PREPL: variants seen among roughly 807,000 people sequenced by gnomAD.
PREPL encodes the protein prolyl endopeptidase like, also known as prolyl endopeptidase-like.
A neutral mutation model predicts 70.6 loss-of-function variants in PREPL; 77 were observed. The observed-to-expected ratio is 1.09, with a 90% CI of 0.91 to 1.32. PREPL has a LOEUF of 1.32. Among genes scored for constraint, PREPL ranks in the 40% most tolerant of loss-of-function variants. The pLI, the probability that PREPL is intolerant of heterozygous loss-of-function variation, is 0.00. For missense variants in PREPL, 1,002 were observed against 778.2 expected (o/e 1.29, Z -3.42); for synonymous variants, 315 against 264.8 (o/e 1.19, Z -1.84).
At chr2:44,332,309 C>A (rs1192042542) in intron 8 of PREPL, 150 bp downstream of exon 8, 3 of 624,694 alleles carry the variant, frequency 4.8e-6, no homozygotes, top group South Asian at 2.4e-5. Context: ...AAAAAAAATT[C>A]ACCTATCCCT....
At chr2:44,359,713 C>T in intron 1 of PREPL, 1 of 1,601,934 alleles carries the variant, frequency 6.2e-7, no homozygotes, top group Non-Finnish European at 8.6e-7. Context: ...TCTTCTGCTG[C>T]ATGATATCAA....
At position 44,320,331 on chromosome 2, in the gene PREPL, A is replaced by T; in HGVS notation, c.*1025T>A. 1.9e-6 allele frequency: 3 copies of T among 1,614,164 alleles called. No individual in the cohort carries two copies. Among genetic ancestry groups the T allele is most frequent in the South Asian group, 2.2e-5 (2 of 91,090 alleles). Reference sequence around the variant, plus strand: ...TGACAGCCACTATGTTGTGTACACAAGAGAGCTGGATGGCATCGACAGAAT... The same window carrying T: ...TGACAGCCACTATGTTGTGTACACATGAGAGCTGGATGGCATCGACAGAAT... On this transcript the variant is annotated 3_prime_UTR_variant, in exon 14 of 14. Transcript: ENST00000409411.
At chr2:44,356,298 T>A (rs1208969980) in intron 1 of PREPL, 1 of 152,226 alleles carries the variant, frequency 6.6e-6, no homozygotes, top group Non-Finnish European at 1.5e-5. Context: ...TCCCAGCACT[T>A]TGGGAGGCCG....
At chr2:44,328,013 C>T (rs547405289) in intron 9 of PREPL, among the ~76,000 whole-genome samples, 10 of 150,634 alleles carry the variant, frequency 6.6e-5, no homozygotes, top group Non-Finnish European at 8.9e-5. Context: ...CGGGCTGGTA[C>T]GGTGGCTCAT....
chr2:44,325,625 G>A (rs1349793783), intron 10 of PREPL, among the ~76,000 whole-genome samples: 1 of 152,022 alleles, frequency 6.6e-6, no homozygotes, highest in African/African-American at 2.4e-5. Context: ...TCAAAATCTA[G>A]TTGCTTTGTC....
intron 9 of PREPL, among the ~76,000 whole-genome samples, chr2:44,327,874 A>G (rs1673678882): frequency 6.6e-6 from 1 of 151,712 alleles, no homozygotes; most frequent in South Asian, 2.1e-4. Context: ...AAAAAATACA[A>G]AACAAAATAA....
At chr2:44,323,006 G>A in intron 11 of PREPL, 152 bp from the exon 12 acceptor site, 2 of 1,097,884 alleles carry the variant, frequency 1.8e-6, no homozygotes, top group South Asian at 1.6e-5. Context: ...CAGTATTACA[G>A]TAGTAGACTA....
chr2:44,321,718 G>A, intron 13 of PREPL, 109 bp downstream of exon 13: 3 of 1,597,218 alleles, frequency 1.9e-6, no homozygotes, highest in South Asian at 2.2e-5. Context: ...CCATAGATAG[G>A]ACATTTGTGA....
chr2:44,326,588 G>C (rs1164623939), intron 10 of PREPL, 124 bp downstream of exon 10: 5 of 995,970 alleles, frequency 5.0e-6, no homozygotes, highest in East Asian at 4.9e-5. Context: ...GCCCACCTCA[G>C]TTTCCCGAAG....
intron 1 of PREPL, among the ~76,000 whole-genome samples, chr2:44,348,260 A>T (rs1334895716): frequency 6.6e-6 from 1 of 152,108 alleles, no homozygotes; most frequent in Non-Finnish European, 1.5e-5. Flanking sequence ...TTTTTCATTC[A>T]TTTTTAAAGC....
rs916223990 is a variant in PREPL, at chr2:44,319,888, C to T, written c.*1468G>A. The T allele has an allele frequency of 3.2e-6, 1 of 308,160 alleles. No homozygotes were observed. The highest frequency in any genetic ancestry group is 4.8e-5 in the Admixed American group (1 of 20,958). 19.1% of individuals were successfully genotyped at this position (308,160 alleles called of 1,614,324 possible). ...ATGACTATGCAAGTTAAATATTCAT[C>T]TTAGACATGGACATTTGCTTTGGGA... On this transcript the variant is annotated 3_prime_UTR_variant, in exon 14 of 14. Coordinates refer to ENST00000409411, the MANE Select transcript of PREPL (RefSeq NM_001171613.2).
Position 44,318,177 on chromosome 2 carries a change from G to T in PREPL, c.*3179C>A. On this transcript the variant is annotated 3_prime_UTR_variant, in exon 14 of 14. Coordinates refer to ENST00000409411, the MANE Select transcript of PREPL (RefSeq NM_001171613.2). ...GTGATCTCGGCACACTGCAGCCTCT[G>T]CTTCCTGGGTTCAAGTGATTCTCCT... 2.3e-6 allele frequency: 1 copy of T among 426,490 alleles called. No individual in the cohort carries two copies. The highest frequency in any genetic ancestry group is 4.7e-6 in the Non-Finnish European group (1 of 212,618). The allele number at this position is 426,490 out of a possible 1,614,324, so 26.4% of individuals were successfully genotyped here. A position where few individuals can be genotyped will look rare whatever the true frequency, so the allele number is the denominator to read the frequency against.
rs963947462 is a variant in PREPL, at chr2:44,318,375, G to A, written c.*2981C>T. 1.1e-5 allele frequency: 2 copies of A among 184,512 alleles called. No homozygotes were observed. Among genetic ancestry groups the A allele is most frequent in the South Asian group, 1.7e-4 (2 of 11,906 alleles). The allele number at this position is 184,512 out of a possible 1,614,324, so 11.4% of individuals were successfully genotyped here. ...CAAAGTGCTAGGATTACGGGCCTGAGCCACCTTGCCTGGCCTGCAAAATTT... is the reference window on the plus strand; with the variant it reads ...CAAAGTGCTAGGATTACGGGCCTGAACCACCTTGCCTGGCCTGCAAAATTT... On this transcript the variant is annotated 3_prime_UTR_variant, in exon 14 of 14. Transcript: ENST00000409411.
chr2:44,355,579 C>T (rs548609267), intron 1 of PREPL, among the ~76,000 whole-genome samples: 1 of 152,158 alleles, frequency 6.6e-6, no homozygotes, highest in African/African-American at 2.4e-5. Flanking sequence ...TAAAGACTCT[C>T]ATCTTCACTC....
In PREPL at chr2:44,355,368, G is replaced by A. The variant is rs189096727; in HGVS notation, c.-49+6012C>T. The stretch of plus-strand genomic sequence containing the variant: ...TCCAGACCAGCCTAGCCAACATGGC[G>A]AAACCCTGTCTCTACTTAAAATATA... On this transcript the variant is annotated intron_variant, in intron 1 of 13. Transcript: ENST00000409411. Among the ~76,000 whole-genome samples, 417 of 152,274 alleles carry A rather than the reference G, an allele frequency of 2.7e-3. 1 individual carries two copies. The highest frequency in any genetic ancestry group is 7.7e-3 in the African/African-American group (320 of 41,558).
intron 5 of PREPL, among the ~76,000 whole-genome samples, chr2:44,340,442 CT>C: frequency 6.6e-6 from 1 of 152,010 alleles, no homozygotes; most frequent in South Asian, 2.1e-4. Context: ...GTAATTTATA[CT>C]GAAACTACTG....
intron 1 of PREPL, among the ~76,000 whole-genome samples, chr2:44,348,265 T>C (rs1676035260): frequency 6.6e-6 from 1 of 152,210 alleles, no homozygotes; most frequent in African/African-American, 2.4e-5. Flanking sequence ...CATTCATTTT[T>C]AAAGCATTTC....
chr2:44,328,147 G>C (rs1673714458), intron 9 of PREPL, among the ~76,000 whole-genome samples: 1 of 151,546 alleles, frequency 6.6e-6, no homozygotes, highest in African/African-American at 2.4e-5. Flanking sequence ...TTAGTCAGGA[G>C]TTATGGCAGG....
intron 1 of PREPL, among the ~76,000 whole-genome samples, chr2:44,359,121 T>C (rs1256103277): frequency 6.9e-6 from 1 of 144,936 alleles, no homozygotes; most frequent in East Asian, 2.0e-4. Context: ...CAGGCTGGAG[T>C]GCTGTGGTGC....
Sources: allele counts gnomAD v4.1 joint callset (sites outside exome capture counted in the v4.1 genomes callset), GRCh38; gene constraint gnomAD v4.1.1; transcripts MANE v1.5; gene names NCBI Gene and HGNC (gene_info 2026-07-23, HGNC 2026-07-21).